UMAD1: variants seen among roughly 807,000 people sequenced by gnomAD.
UMAD1 encodes UBAP1-MVB12-associated (UMA) domain containing 1, also known as UBAP1-MVB12-associated (UMA)-domain containing protein 1.
In UMAD1, 8 loss-of-function variants were observed where a neutral mutation model predicts 6.1. The ratio of observed to expected loss-of-function variants is 1.30; its 90% confidence interval spans 0.76 to 2.35. The LOEUF is 2.35. Among genes scored for constraint, UMAD1 ranks in the 30% most tolerant of loss-of-function variants. The probability of loss-of-function intolerance (pLI) is 0.00; values close to 1 mark genes in which losing one functional copy is unlikely to be tolerated. For synonymous variants in UMAD1, 56 were observed against 31.4 expected, an observed-to-expected ratio of 1.78 and a Z score of -2.61; for missense variants, 130 against 78.4, an observed-to-expected ratio of 1.66 and a Z score of -2.49.
chr7:7,656,246 G>A (rs1045033295), intron 1 of UMAD1, among the ~76,000 whole-genome samples: 4 of 152,040 alleles, frequency 2.6e-5, no homozygotes, highest in Non-Finnish European at 4.4e-5. Context: ...AATACGAGTT[G>A]AAGGAGAAAA....
chr7:7,860,267 G>C (rs1784088432), intron 3 of UMAD1, among the ~76,000 whole-genome samples: 2 of 152,028 alleles, frequency 1.3e-5, no homozygotes, highest in African/African-American at 4.8e-5. Context: ...CAAGCAAAGA[G>C]TGTATTATAA....
chr7:7,782,197 G>T (rs1782358686), intron 2 of UMAD1, among the ~76,000 whole-genome samples: 1 of 151,560 alleles, frequency 6.6e-6, no homozygotes, highest in African/African-American at 2.4e-5. Context: ...AATAGCTTGG[G>T]AATAATTTTT....
chr7:7,810,816 A>G (rs777061661), intron 3 of UMAD1, among the ~76,000 whole-genome samples: 5 of 152,212 alleles, frequency 3.3e-5, no homozygotes, highest in Non-Finnish European at 2.9e-5. Flanking sequence ...GTTGAGAATG[A>G]TCATGAAGGA....
At chr7:7,745,204 G>A (rs1341231312) in intron 2 of UMAD1, among the ~76,000 whole-genome samples, 1 of 152,162 alleles carries the variant, frequency 6.6e-6, no homozygotes, top group East Asian at 1.9e-4. Context: ...TGTGAGTAGG[G>A]TGAAGAGGAG....
At chr7:7,686,599 CACA>C (rs1780046358) in intron 2 of UMAD1, among the ~76,000 whole-genome samples, 1 of 152,098 alleles carries the variant, frequency 6.6e-6, no homozygotes, top group South Asian at 2.1e-4. Context: ...TCAGAGAAAC[CACA>C]ACAACAAATT....
At chr7:7,772,006 A>G (rs1359320753) in intron 2 of UMAD1, among the ~76,000 whole-genome samples, 1 of 152,188 alleles carries the variant, frequency 6.6e-6, no homozygotes, top group African/African-American at 2.4e-5. Context: ...TGGCAGAAGC[A>G]TGCTCTAACA....
At chr7:7,732,292 A>G (rs1292418706) in intron 2 of UMAD1, among the ~76,000 whole-genome samples, 1 of 152,122 alleles carries the variant, frequency 6.6e-6, no homozygotes, top group Non-Finnish European at 1.5e-5. Context: ...CTTAACTTCT[A>G]TAATCAATAA....
At chr7:7,719,638 A>C (rs934104618) in intron 2 of UMAD1, among the ~76,000 whole-genome samples, 12 of 146,288 alleles carry the variant, frequency 8.2e-5, no homozygotes, top group African/African-American at 3.1e-4. Flanking sequence ...CATGGAAAGT[A>C]GTAGTTTTTT....
intron 2 of UMAD1, among the ~76,000 whole-genome samples, chr7:7,799,754 T>A (rs1782761591): frequency 6.6e-6 from 1 of 152,224 alleles, no homozygotes. Flanking sequence ...CATTGGTTTT[T>A]CCAGTGTAAA....
At chr7:7,729,937 C>A (rs1277104275) in intron 2 of UMAD1, among the ~76,000 whole-genome samples, 2 of 152,376 alleles carry the variant, frequency 1.3e-5, no homozygotes, top group South Asian at 4.1e-4. Context: ...CTCAGTCTCT[C>A]ATCACTGTCT....
rs914889972 is a variant in UMAD1 at position 7,746,625 on chromosome 7, G to A, written c.83-55045G>A. On this transcript the variant is annotated intron_variant, in intron 2 of 3. Coordinates refer to ENST00000682710, the MANE Select transcript of UMAD1 (RefSeq NM_001302348.2). The stretch of plus-strand genomic sequence containing the variant: ...AGTTACCAGAGCTACAGTAAAATTG[G>A]CCTGCAAGTGAAAAGGCTTTGACTT... 5.9e-5 allele frequency among the ~76,000 whole-genome samples: 9 copies of A among 152,328 alleles called. 1 individual carries two copies. Among genetic ancestry groups the A allele is most frequent in the Admixed American group, 3.9e-4 (6 of 15,308 alleles).
intron 3 of UMAD1, among the ~76,000 whole-genome samples, chr7:7,818,382 G>T (rs1783173378): frequency 6.6e-6 from 1 of 151,988 alleles, no homozygotes; most frequent in African/African-American, 2.4e-5. Flanking sequence ...CTTTGCAAAA[G>T]ACATACACCT....
chr7:7,770,960 T>G (rs997490568), intron 2 of UMAD1, among the ~76,000 whole-genome samples: 1 of 152,100 alleles, frequency 6.6e-6, no homozygotes, highest in Non-Finnish European at 1.5e-5. Context: ...TATCTTGAGT[T>G]AGTCTTGGAT....
chr7:7,855,884 T>G (rs1398445124), intron 3 of UMAD1, among the ~76,000 whole-genome samples: 1 of 152,198 alleles, frequency 6.6e-6, no homozygotes, highest in Admixed American at 6.5e-5. Flanking sequence ...CTACATCGTC[T>G]CTCAAGTTCG....
chr7:7,740,833 T>A (rs1193273670), intron 2 of UMAD1: 2 of 152,192 alleles, frequency 1.3e-5, no homozygotes, highest in Non-Finnish European at 2.9e-5. Flanking sequence ...TTTTCTCTTT[T>A]AACCCAAATC....
chr7:7,769,798 A>G (rs184314633), intron 2 of UMAD1, among the ~76,000 whole-genome samples: 18 of 152,344 alleles, frequency 1.2e-4, no homozygotes, highest in Admixed American at 1.1e-3. Context: ...AAGAGGGACT[A>G]AATTGCACTG....
At chr7:7,847,095 AAAAAAAAAAATATATATATAT>A (rs1343144177) in intron 3 of UMAD1, among the ~76,000 whole-genome samples, 23 of 47,130 alleles carry the variant, frequency 4.9e-4, no homozygotes, top group African/African-American at 3.3e-3. Context: ...TGCAAAAAAA[AAAAAAAAAAATATATATATAT>A]ATATATATAT....
chr7:7,646,999 G>A (rs1785111907), intron 1 of UMAD1, among the ~76,000 whole-genome samples: 1 of 152,152 alleles, frequency 6.6e-6, no homozygotes, highest in African/African-American at 2.4e-5. Flanking sequence ...CCCTTCTGCC[G>A]CTTGTCCGTA....
At chr7:7,826,020 G>A (rs1487404490) in intron 3 of UMAD1, among the ~76,000 whole-genome samples, 2 of 152,112 alleles carry the variant, frequency 1.3e-5, no homozygotes, top group African/African-American at 2.4e-5. Context: ...TTGTTATGAT[G>A]TAGTGTTTTT....
Sources: allele counts gnomAD v4.1 joint callset (sites outside exome capture counted in the v4.1 genomes callset), GRCh38; gene constraint gnomAD v4.1.1; transcripts MANE v1.5; gene names NCBI Gene and HGNC (gene_info 2026-07-23, HGNC 2026-07-21).